Variants in CFAP92 observed in about 807,000 individuals in gnomAD.
CFAP92 encodes the protein uncharacterized protein CFAP92.
In CFAP92, 86 loss-of-function variants were observed where a neutral mutation model predicts 106.3. The observed-to-expected ratio is 0.81, with a 90% confidence interval of 0.68 to 0.97. The LOEUF (loss-of-function observed/expected upper bound fraction) is 0.97, where lower values mean the gene tolerates loss of function less well. Ranked by LOEUF, CFAP92 falls within the 50% of genes least tolerant of loss-of-function variation. CFAP92 has a pLI of 0.00. For missense variants in CFAP92, 1,204 were observed against 1,283.8 expected (o/e 0.94, Z 0.95); for synonymous variants, 477 against 506.4 (o/e 0.94, Z 0.78).
At chr3:129,004,130 T>G, upstream of CFAP92, 1 of 1,411,644 alleles carries the variant, frequency 7.1e-7, no homozygotes, top group Non-Finnish European at 9.2e-7. Flanking sequence ...GCTCCCATTT[T>G]CCCAAACTTC....
rs538708171 is a variant in CFAP92, at chr3:128,987,022, G to T, written c.667+594C>A. Among the ~76,000 whole-genome samples the T allele has an allele frequency of 3.3e-5, 5 of 152,320 alleles. No individual in the cohort carries two copies. In the South Asian group the frequency reaches 8.3e-4, roughly 25 times the overall value. On this transcript the variant is annotated intron_variant, in intron 4 of 15. Coordinates refer to ENST00000645291, the MANE Select transcript of CFAP92 (RefSeq NM_001394090.1). Reference sequence around the variant, plus strand: ...CTAAAAACACAAAAATTAGCCGGGCGTGGTGGCGCATGCCTGGAGTCCCAG... The same window carrying T: ...CTAAAAACACAAAAATTAGCCGGGCTTGGTGGCGCATGCCTGGAGTCCCAG...
chr3:128,935,549 T>TA (rs1431752429), intron 10 of CFAP92, among the ~76,000 whole-genome samples: 4 of 151,802 alleles, frequency 2.6e-5, no homozygotes, highest in Admixed American at 1.3e-4. Flanking sequence ...CCATCTCTAG[T>TA]AAAAAATACA....
chr3:129,002,402 G>T, intron 1 of CFAP92: 1 of 1,456,432 alleles, frequency 6.9e-7, no homozygotes, highest in South Asian at 1.4e-5. Flanking sequence ...TGCGGAGCCC[G>T]ACAGGACAGA....
At chr3:128,955,491 G>A (rs1274582231) in intron 9 of CFAP92, among the ~76,000 whole-genome samples, 2 of 66 alleles carry the variant, frequency 0.03, 1 homozygote, top group African/African-American at 0.071. Context: ...CGCCCCGTCC[G>A]GGAGGGAGGT....
intron 9 of CFAP92, among the ~76,000 whole-genome samples, chr3:128,962,261 C>T (rs2107761809): frequency 6.6e-6 from 1 of 152,250 alleles, no homozygotes; most frequent in African/African-American, 2.4e-5. Flanking sequence ...AAGCCCGTCC[C>T]CTTCTTAAGC....
At chr3:128,960,991 C>T (rs1941862971) in intron 9 of CFAP92, among the ~76,000 whole-genome samples, 1 of 152,150 alleles carries the variant, frequency 6.6e-6, no homozygotes, top group African/African-American at 2.4e-5. Context: ...CTATGGGCAA[C>T]CTTCCACCCT....
chr3:128,915,365 G>C lies in CFAP92; in HGVS notation c.3115C>G (p.Leu1039Val), dbSNP rs1936724794. The change falls in exon 14 of 16, where the codon CTG becomes GTG. Residue 1039 changes from leucine (L) to valine (V), a missense_variant. By Grantham distance (32) the Leu-to-Val change is conservative (BLOSUM62 1). Coordinates refer to ENST00000645291, the MANE Select transcript of CFAP92 (RefSeq NM_001394090.1). Reference sequence around the variant, plus strand: ...TGCTCTTCCCTGTGGACCTCATTCAGCTCTTTGATGGGTGGCAGCTTGAGA... The same window carrying C: ...TGCTCTTCCCTGTGGACCTCATTCACCTCTTTGATGGGTGGCAGCTTGAGA... ...QDLKLPPIKELNEEWKENSLF... is the reference protein window; with the variant it reads ...QDLKLPPIKEVNEEWKENSLF... 3 of 1,536,148 alleles carry C rather than the reference G, an allele frequency of 2.0e-6. No homozygotes were observed. The highest frequency in any genetic ancestry group is 2.6e-6 in the Non-Finnish European group (3 of 1,146,922).
chr3:128,910,134 C>T lies in CFAP92; in HGVS notation c.*165G>A. 1 of 1,614,070 alleles carries T rather than the reference C, an allele frequency of 6.2e-7. No homozygotes were observed. The highest frequency in any genetic ancestry group is 8.5e-7 in the Non-Finnish European group (1 of 1,180,038). On this transcript the variant is annotated 3_prime_UTR_variant, in exon 16 of 16. Transcript: ENST00000645291. ...GCCGCTCCATCCGCATTGGGCTCCG[C>T]AACCACGACCACGAGGTGAGCCCAG...
At chr3:128,914,250 G>A (rs1315905832) in intron 15 of CFAP92, among the ~76,000 whole-genome samples, 1 of 152,208 alleles carries the variant, frequency 6.6e-6, no homozygotes, top group Non-Finnish European at 1.5e-5. Flanking sequence ...AGCTCTCCTA[G>A]CTGGAGCCTC....
rs2107678809 is a variant in CFAP92 at position 128,916,288 on chromosome 3, C to CA, written c.2752-18dup. On this transcript the variant is annotated splice_polypyrimidine_tract_variant and intron_variant, in intron 12 of 15. Coordinates refer to ENST00000645291, the MANE Select transcript of CFAP92 (RefSeq NM_001394090.1). ...GATATTTTTCTGAAGAAAGAGACAC[C>CA]AGTCACTACCCACACCAGGTCATCC... The CA allele has an allele frequency of 8.1e-7, 1 of 1,231,790 alleles. No individual in the cohort carries two copies. The highest frequency in any genetic ancestry group is 1.6e-5 in the African/African-American group (1 of 64,504). 76.3% of individuals were successfully genotyped at this position (1,231,790 alleles called of 1,614,324 possible). A position where few individuals can be genotyped will look rare whatever the true frequency, so the allele number is the denominator to read the frequency against.
intron 9 of CFAP92, among the ~76,000 whole-genome samples, chr3:128,949,762 C>A (rs1008041804): frequency 1.3e-5 from 2 of 152,226 alleles, no homozygotes; most frequent in African/African-American, 4.8e-5. Flanking sequence ...TCTTGGCTCA[C>A]GGCAACCTCT....
At chr3:128,937,663 T>C (rs1939188727) in intron 10 of CFAP92, among the ~76,000 whole-genome samples, 1 of 152,096 alleles carries the variant, frequency 6.6e-6, no homozygotes, top group Non-Finnish European at 1.5e-5. Flanking sequence ...TGTAGTCTAC[T>C]TAGTTGTACT....
At chr3:128,943,827 G>A (rs368704401) in intron 10 of CFAP92, among the ~76,000 whole-genome samples, 37 of 151,656 alleles carry the variant, frequency 2.4e-4, no homozygotes, top group African/African-American at 8.0e-4. Context: ...GTGAGCCACC[G>A]TGCCTGGCTT....
intron 7 of CFAP92, among the ~76,000 whole-genome samples, chr3:128,972,723 C>G (rs774501420): frequency 2.6e-5 from 4 of 151,760 alleles, no homozygotes; most frequent in Admixed American, 6.6e-5. Flanking sequence ...GGTGTGGTGG[C>G]GGGCATCTGT....
chr3:128,946,808 C>G (rs1380311788), intron 9 of CFAP92, among the ~76,000 whole-genome samples: 5 of 151,946 alleles, frequency 3.3e-5, no homozygotes, highest in Admixed American at 3.3e-4. Flanking sequence ...CACGTAAAGA[C>G]AAAGGCACTA....
chr3:128,927,216 C>T (rs934976758), intron 12 of CFAP92, among the ~76,000 whole-genome samples: 8 of 152,002 alleles, frequency 5.3e-5, no homozygotes, highest in Admixed American at 2.0e-4. Flanking sequence ...AGAATTAAAC[C>T]GAACTTGTCA....
chr3:129,010,774 T>A, the CFAP92 span, among the ~76,000 whole-genome samples: 2,950 of 152,136 alleles, frequency 0.019, 98 homozygotes, highest in African/African-American at 0.067. The surrounding 1 kb of genome is among the most constrained non-coding windows in gnomAD (Gnocchi z 4.3). Context: ...GGTGTGTGGG[T>A]GGCCTTGGTG....
At chr3:128,935,095 C>T in intron 11 of CFAP92, 30 bp downstream of exon 11, 1 of 1,486,360 alleles carries the variant, frequency 6.7e-7, no homozygotes, top group Non-Finnish European at 8.9e-7. Context: ...CGCCGGGGCG[C>T]AGGACCACAT....
Position 128,987,759 on chromosome 3 carries a change from G to A in CFAP92, c.524C>T (p.Thr175Ile). 6.2e-7 allele frequency: 1 copy of A among 1,613,824 alleles called. No individual in the cohort carries two copies. The highest frequency in any genetic ancestry group is 8.5e-7 in the Non-Finnish European group (1 of 1,179,788). Reference sequence around the variant, plus strand: ...ATTTATTTTCTTTAATAATTCCTTTGTCACAGTGATATTAAAAGTCTGCTC... The same window carrying A: ...ATTTATTTTCTTTAATAATTCCTTTATCACAGTGATATTAAAAGTCTGCTC... ...SWEQTFNITVTKELLKKINFH... is the reference protein window; with the variant it reads ...SWEQTFNITVIKELLKKINFH... The change falls in exon 4 of 16, where the codon ACA becomes ATA. Residue 175 changes from threonine to isoleucine, a missense_variant. Thr to Ile is a moderately conservative substitution (Grantham distance 89). Coordinates refer to ENST00000645291, the MANE Select transcript of CFAP92 (RefSeq NM_001394090.1).
Sources: allele counts gnomAD v4.1 joint callset (sites outside exome capture counted in the v4.1 genomes callset), GRCh38; gene constraint gnomAD v4.1.1; non-coding constraint Gnocchi (gnomAD v3.1); transcripts MANE v1.5; gene names NCBI Gene and HGNC (gene_info 2026-07-23, HGNC 2026-07-21).